The following KPNA4 variants were observed in gnomAD, a reference collection of about 807,000 sequenced individuals.
KPNA4 encodes importin subunit alpha-3.
KPNA4 carries 13 observed loss-of-function variants against 71.3 expected under a neutral mutation model. The ratio of observed to expected loss-of-function variants is 0.18; its 90% CI spans 0.12 to 0.29. The LOEUF is 0.29. Ranked by LOEUF, KPNA4 falls within the 10% of genes least tolerant of loss-of-function variation. The pLI is 1.00. For missense variants in KPNA4, 334 were observed against 603.2 expected (o/e 0.55, Z 4.67); for synonymous variants, 189 against 195.2 (o/e 0.97, Z 0.26).
intron 5 of KPNA4, 22 bp from the exon 6 acceptor site, chr3:160,531,579 CT>C: frequency 8.1e-7 from 1 of 1,235,300 alleles, no homozygotes; most frequent in Non-Finnish European, 1.1e-6. Context: ...AAAAACACTC[CT>C]GTGAAACTTA....
At chr3:160,510,504 C>T (rs1721068967) in intron 13 of KPNA4, among the ~76,000 whole-genome samples, 1 of 152,040 alleles carries the variant, frequency 6.6e-6, no homozygotes, top group South Asian at 2.1e-4. Context: ...GGTAAATCTA[C>T]TGAATAAGCA....
chr3:160,518,134 T>G (rs553658062), intron 11 of KPNA4, among the ~76,000 whole-genome samples: 1 of 151,664 alleles, frequency 6.6e-6, no homozygotes, highest in African/African-American at 2.4e-5. Flanking sequence ...TCTGAGTTTT[T>G]TTTTTTTTTT....
intron 1 of KPNA4, among the ~76,000 whole-genome samples, chr3:160,557,855 A>AT (rs891596572): frequency 6.6e-6 from 1 of 151,758 alleles, no homozygotes; most frequent in Non-Finnish European, 1.5e-5. Context: ...TTTTATTTTT[A>AT]TTTTTTTGTA....
chr3:160,544,206 CTGTG>C (rs5853888), intron 1 of KPNA4, among the ~76,000 whole-genome samples: 1 of 151,772 alleles, frequency 6.6e-6, no homozygotes, highest in Admixed American at 6.6e-5. Flanking sequence ...AATTACCAAA[CTGTG>C]TGTGTGTGTT....
At chr3:160,556,122 C>T (rs1722131642) in intron 1 of KPNA4, among the ~76,000 whole-genome samples, 1 of 152,266 alleles carries the variant, frequency 6.6e-6, no homozygotes, top group African/African-American at 2.4e-5. Context: ...GCGTGAGCCA[C>T]TGCGCCCAGC....
chr3:160,537,470 A>G (rs1442056492), intron 1 of KPNA4, among the ~76,000 whole-genome samples: 1 of 151,662 alleles, frequency 6.6e-6, no homozygotes, highest in Non-Finnish European at 1.5e-5. Flanking sequence ...TTACTTTTAA[A>G]CATATTTTTC....
At chr3:160,544,233 C>T (rs539360954) in intron 1 of KPNA4, among the ~76,000 whole-genome samples, 4 of 152,230 alleles carry the variant, frequency 2.6e-5, no homozygotes, top group East Asian at 1.9e-4. Flanking sequence ...TGTATATGTG[C>T]GCACTGGCAA....
chr3:160,516,290 C>CCGCCAATACATAATTT (rs1560046290), intron 11 of KPNA4, among the ~76,000 whole-genome samples: 7 of 152,190 alleles, frequency 4.6e-5, no homozygotes, highest in African/African-American at 1.7e-4. Context: ...CTGCACCCTG[C>CCGCCAATACATAATTT]TCCAAGAAAC....
chr3:160,528,837 A>T (rs529041138), intron 7 of KPNA4, among the ~76,000 whole-genome samples: 2 of 152,356 alleles, frequency 1.3e-5, no homozygotes, highest in South Asian at 4.1e-4. Flanking sequence ...TGAACAAATG[A>T]TTCTTCTTCT....
chr3:160,499,416 TG>T lies in KPNA4; in HGVS notation c.*2687del, dbSNP rs1024307807. 1 of 151,670 alleles carries T rather than the reference TG, an allele frequency of 6.6e-6. No homozygotes were observed. The highest frequency in any genetic ancestry group is 2.4e-5 in the African/African-American group (1 of 41,270). The allele number at this position is 151,670 out of a possible 1,614,324, so 9.4% of individuals were successfully genotyped here. ...TTAGCTTATTAGGCATATTATTCTA[TG>T]CCCCCATCCCCATCAGAAATAAGCC... On this transcript the variant is annotated 3_prime_UTR_variant, in exon 17 of 17. Coordinates refer to ENST00000334256, the MANE Select transcript of KPNA4 (RefSeq NM_002268.5).
chr3:160,551,971 TAGTA>T (rs1487823329), intron 1 of KPNA4, among the ~76,000 whole-genome samples: 1 of 143,178 alleles, frequency 7.0e-6, no homozygotes, highest in Non-Finnish European at 1.5e-5. Context: ...TACTGACATC[TAGTA>T]AGTAGAGGCC....
chr3:160,559,559 T>C (rs1722203524), intron 1 of KPNA4, among the ~76,000 whole-genome samples: 1 of 152,172 alleles, frequency 6.6e-6, no homozygotes, highest in Non-Finnish European at 1.5e-5. Flanking sequence ...CAATAGATTT[T>C]AATGTAACAG....
rs1396505515 is a variant in KPNA4, at chr3:160,496,527, A to T, written c.*5577T>A. On this transcript the variant is annotated 3_prime_UTR_variant, in exon 17 of 17. Coordinates refer to ENST00000334256, the MANE Select transcript of KPNA4 (RefSeq NM_002268.5). ...GTAACATAGTCTAGGATAGGAATCC[A>T]TCAGTTATGGAGATCAGAGGTAAGA... The T allele has an allele frequency of 3.9e-5, 6 of 152,248 alleles. No individual in the cohort carries two copies. The highest frequency in any genetic ancestry group is 8.8e-5 in the Non-Finnish European group (6 of 68,050). 9.4% of individuals were successfully genotyped at this position (152,248 alleles called of 1,614,324 possible).
intron 12 of KPNA4, 113 bp downstream of exon 12, chr3:160,515,339 G>A: frequency 1.0e-6 from 1 of 1,004,076 alleles, no homozygotes; most frequent in Non-Finnish European, 1.4e-6. Context: ...ATGTCTAAAT[G>A]ACAGTTTGTA....
At chr3:160,532,831 A>C (rs1321579843) in intron 5 of KPNA4, among the ~76,000 whole-genome samples, 1 of 152,212 alleles carries the variant, frequency 6.6e-6, no homozygotes, top group Non-Finnish European at 1.5e-5. Context: ...GTGTAACTAA[A>C]CAATAGGTTA....
In KPNA4 at chr3:160,502,000, G is replaced by C. The variant is rs1720891881; in HGVS notation, c.*104C>G. 3.1e-6 allele frequency: 1 copy of C among 327,082 alleles called. No homozygotes were observed. 20.3% of individuals were successfully genotyped at this position (327,082 alleles called of 1,614,324 possible). ...CAGATCCCATGAGCCAAGCTTGATG[G>C]ATCAAACCTTTTTATATATATGTAT... On this transcript the variant is annotated 3_prime_UTR_variant, in exon 17 of 17. Coordinates refer to ENST00000334256, the MANE Select transcript of KPNA4 (RefSeq NM_002268.5).
At chr3:160,505,121 TG>T in intron 15 of KPNA4, 69 bp from the exon 16 acceptor site, 1 of 772,150 alleles carries the variant, frequency 1.3e-6, no homozygotes, top group Non-Finnish European at 1.9e-6. Flanking sequence ...GAATAATCTT[TG>T]GAACACATAA....
intron 1 of KPNA4, among the ~76,000 whole-genome samples, chr3:160,552,717 G>C (rs1010700130): frequency 9.2e-5 from 14 of 152,224 alleles, no homozygotes; most frequent in Admixed American, 9.2e-4. Context: ...ATGAAGGAAA[G>C]AGACGGGGAC....
At chr3:160,534,087 C>T (rs915612499) in intron 5 of KPNA4, among the ~76,000 whole-genome samples, 4 of 152,148 alleles carry the variant, frequency 2.6e-5, no homozygotes, top group Admixed American at 2.6e-4. Context: ...TATAACTTCC[C>T]TATCAGTTCT....
Sources: allele counts gnomAD v4.1 joint callset (sites outside exome capture counted in the v4.1 genomes callset), GRCh38; gene constraint gnomAD v4.1.1; transcripts MANE v1.5; gene names NCBI Gene and HGNC (gene_info 2026-07-23, HGNC 2026-07-21).